The following SYTL2 variants were observed in gnomAD, a reference collection of about 807,000 sequenced individuals.
The protein encoded by SYTL2 is synaptotagmin like 2.
SYTL2 carries 165 observed loss-of-function variants against 198.7 expected under a neutral mutation model. The observed-to-expected ratio is 0.83, with a 90% confidence interval of 0.73 to 0.94. The LOEUF (loss-of-function observed/expected upper bound fraction) is 0.94. SYTL2 is among the 40% of genes least tolerant of loss of function. SYTL2 has a pLI of 0.00. For missense variants in SYTL2, 2,835 were observed against 2,582.8 expected (o/e 1.10, Z -2.12); for synonymous variants, 966 against 917.7 (o/e 1.05, Z -0.95).
chr11:85,843,696 C>T, the SYTL2 span, among the ~76,000 whole-genome samples: 3 of 152,178 alleles, frequency 2.0e-5, no homozygotes, highest in African/African-American at 7.2e-5. Flanking sequence ...CTCCTACTTT[C>T]CAGCATTCTC....
At chr11:85,834,656 TG>T in the SYTL2 span, among the ~76,000 whole-genome samples, 1 of 152,164 alleles carries the variant, frequency 6.6e-6, no homozygotes, top group African/African-American at 2.4e-5. Context: ...TTATATTCTG[TG>T]ATTTTGCCCA....
intron 13 of SYTL2, among the ~76,000 whole-genome samples, chr11:85,709,752 G>A (rs2085928988): frequency 6.6e-6 from 1 of 151,976 alleles, no homozygotes; most frequent in Non-Finnish European, 1.5e-5. Flanking sequence ...GCTTGATCTC[G>A]GCTCACTGCA....
Position 85,711,144 on chromosome 11 carries a change from C to G in SYTL2, c.5714G>C (p.Ser1905Thr). Residue 1905 changes from serine to threonine, a missense_variant, in exon 13 of 20, where the codon AGC becomes ACC. Transcript: ENST00000359152. ...CAAGGACGTCATGCCAGAGGAGCTG[C>G]TAAGATTGGTTAAAGAGCTCGGGCT... ...KKSPSSLTNLSSSSGMTSLSS... is the reference protein window; with the variant it reads ...KKSPSSLTNLTSSSGMTSLSS... 6.2e-7 allele frequency: 1 copy of G among 1,614,092 alleles called. No homozygotes were observed. Among genetic ancestry groups the G allele is most frequent in the Non-Finnish European group, 8.5e-7 (1 of 1,179,990 alleles).
intron 1 of SYTL2, among the ~76,000 whole-genome samples, chr11:85,787,996 A>G (rs1264854833): frequency 6.6e-6 from 1 of 152,060 alleles, no homozygotes; most frequent in Non-Finnish European, 1.5e-5. Flanking sequence ...TTTGCTCTTG[A>G]TGTGTCACCG....
At chr11:85,840,463 C>T in the SYTL2 span, among the ~76,000 whole-genome samples, 8 of 152,036 alleles carry the variant, frequency 5.3e-5, no homozygotes, top group African/African-American at 1.9e-4. Context: ...TATCAGAGAT[C>T]TGCTATCCAA....
intron 1 of SYTL2, among the ~76,000 whole-genome samples, chr11:85,784,891 T>A (rs2092612984): frequency 6.6e-6 from 1 of 152,180 alleles, no homozygotes; most frequent in East Asian, 1.9e-4. Context: ...TTGAGATTTA[T>A]AAACTGATTT....
intron 19 of SYTL2, among the ~76,000 whole-genome samples, chr11:85,695,673 C>T (rs1167533015): frequency 2.0e-5 from 3 of 152,188 alleles, no homozygotes; most frequent in African/African-American, 7.2e-5. Context: ...GTGACTAAGG[C>T]TTTAGTGTCT....
At chr11:85,711,979 A>G (rs1344082404) in intron 12 of SYTL2, among the ~76,000 whole-genome samples, 3 of 152,148 alleles carry the variant, frequency 2.0e-5, no homozygotes, top group Non-Finnish European at 2.9e-5. Context: ...GACAGTAACA[A>G]ATTTTGTTAT....
rs752442766 is a variant in SYTL2 at position 85,727,133 on chromosome 11, A to T, written c.2225T>A (p.Ile742Asn). ...ERKSKVGNTY[I>N]LKASLEPENI... ...CTCTGGCTCTAAGGAGGCTTTCAGG[A>T]TATAGGTATTTCCTACTTTGCTCTT... Residue 742 changes from isoleucine (I) to asparagine (N), a missense_variant, in exon 8 of 20, where the codon ATC (isoleucine) becomes AAC (asparagine). By Grantham distance (149) the Ile-to-Asn change is moderately radical. Transcript: ENST00000359152. 6.5e-6 allele frequency: 10 copies of T among 1,536,194 alleles called. No homozygotes were observed. Among genetic ancestry groups the T allele is most frequent in the Non-Finnish European group, 8.7e-6 (10 of 1,146,872 alleles).
intron 12 of SYTL2, among the ~76,000 whole-genome samples, chr11:85,712,948 G>T (rs974145108): frequency 1.3e-5 from 2 of 152,022 alleles, no homozygotes; most frequent in African/African-American, 2.4e-5. Context: ...AAACTCCTGG[G>T]CCTCAAGGGA....
At chr11:85,780,308 C>A (rs2092537110) in intron 1 of SYTL2, among the ~76,000 whole-genome samples, 1 of 152,206 alleles carries the variant, frequency 6.6e-6, no homozygotes, top group East Asian at 1.9e-4. Flanking sequence ...TGGTACATAG[C>A]TCCTAAAACC....
chr11:85,790,696 G>GTT (rs2092715740), intron 1 of SYTL2, among the ~76,000 whole-genome samples: 2 of 152,080 alleles, frequency 1.3e-5, no homozygotes, highest in African/African-American at 4.8e-5. Context: ...GAAGATTCTC[G>GTT]CTTGTCTGTT....
At chr11:85,771,774 G>C (rs2092358896) in intron 1 of SYTL2, among the ~76,000 whole-genome samples, 1 of 152,146 alleles carries the variant, frequency 6.6e-6, no homozygotes, top group Non-Finnish European at 1.5e-5. Flanking sequence ...TTGAGCCTTA[G>C]TTTGCTCATC....
chr11:85,817,121 G>C, the SYTL2 span, among the ~76,000 whole-genome samples: 2 of 152,150 alleles, frequency 1.3e-5, no homozygotes, highest in Non-Finnish European at 2.9e-5. Context: ...AAATAATCCA[G>C]AATGGGGTTG....
rs752178675 is a variant in SYTL2 at position 85,726,789 on chromosome 11, C to A, written c.2569G>T (p.Val857Leu). The A allele has an allele frequency of 2.9e-5, 44 of 1,536,014 alleles. No homozygotes were observed. In the Middle Eastern group the frequency reaches 6.6e-4, roughly 23 times the overall value. Reference protein sequence around the residue: ...SEYNQAIPKRVVLDEDDQASQ... With the variant: ...SEYNQAIPKRLVLDEDDQASQ... ...GCTTGATCATCCTCATCTAAGACCA[C>A]TCGTTTGGGAATGGCCTGATTATAT... Residue 857 changes from valine (V) to leucine (L), a missense_variant, in exon 8 of 20, where the codon GTG (valine) becomes TTG (leucine). Physicochemically the swap from Val to Leu is conservative, Grantham distance 32 (BLOSUM62 1). Transcript: ENST00000359152.
chr11:85,807,639 T>C (rs1385585091), intron 1 of SYTL2, among the ~76,000 whole-genome samples: 1 of 152,250 alleles, frequency 6.6e-6, no homozygotes, highest in Admixed American at 6.5e-5. Context: ...TGCAAATTAC[T>C]GTGCAAATTA....
chr11:85,803,654 T>C lies in SYTL2; in HGVS notation c.-390+7300A>G, dbSNP rs1211278590. On this transcript the variant is annotated intron_variant, in intron 1 of 19. Transcript: ENST00000359152. ...GTCTTAACACAGGATTCAGTAAGCA[T>C]GAATATAACATCTTTCCTTTAGAGA... Among the ~76,000 whole-genome samples, 3 of 152,228 alleles carry C rather than the reference T, an allele frequency of 2.0e-5. No individual in the cohort carries two copies. The East Asian group carries it at 5.8e-4, about 29-fold the overall frequency.
At chr11:85,762,620 T>C (rs189859248) in intron 1 of SYTL2, among the ~76,000 whole-genome samples, 292 of 152,322 alleles carry the variant, frequency 1.9e-3, no homozygotes, top group Non-Finnish European at 3.2e-3. Context: ...ATTCTGAAAT[T>C]TTCCAGTTCT....
In SYTL2 at chr11:85,725,558, A is replaced by G. The variant is rs147876201; in HGVS notation, c.3800T>C (p.Leu1267Pro). 6.2e-7 allele frequency: 1 copy of G among 1,613,946 alleles called. No individual in the cohort carries two copies. Among genetic ancestry groups the G allele is most frequent in the African/African-American group, 1.3e-5 (1 of 74,920 alleles). Residue 1267 changes from leucine to proline, a missense_variant, in exon 8 of 20, where the codon CTA (leucine) becomes CCA (proline). Leu to Pro is a moderately conservative substitution (Grantham distance 98). Around this residue, in one of 3 missense-constraint regions of SYTL2, gnomAD observed 2,645 missense variants for 2,381.7 expected, o/e 1.11. Transcript: ENST00000359152. ...HNTSADKREI[L>P]APFPVRDETF... ...TTCATCTCTCACTGGAAAAGGAGCTAGTATTTCTCTCTTATCAGCTGAAGT... is the reference window on the plus strand; with the variant it reads ...TTCATCTCTCACTGGAAAAGGAGCTGGTATTTCTCTCTTATCAGCTGAAGT...
Sources: gnomAD v4.1 joint callset for allele counts (sites outside exome capture counted in the v4.1 genomes callset) on GRCh38, gnomAD v4.1.1 for gene constraint, gnomAD v4.1.1 regional missense constraint, MANE v1.5 for transcripts, NCBI Gene and HGNC (gene_info 2026-07-23, HGNC 2026-07-21) for gene names.